Variants in RBFOX2 observed in about 807,000 individuals in gnomAD.
RBFOX2 encodes the protein RNA binding fox-1 homolog 2, also known as RNA binding protein fox-1 homolog 2.
Under a neutral mutation model 49.1 loss-of-function variants are expected in RBFOX2, and 10 were observed. That is an observed-to-expected ratio of 0.20 (90% CI 0.13 to 0.35). The LOEUF (loss-of-function observed/expected upper bound fraction) is 0.35, where lower values mean the gene tolerates loss of function less well. RBFOX2 is among the 10% of genes least tolerant of loss of function. The pLI is 1.00. For synonymous variants in RBFOX2, 183 were observed against 187.4 expected, an observed-to-expected ratio of 0.98 and a Z score of 0.19; for missense variants, 323 against 486.9, an observed-to-expected ratio of 0.66 and a Z score of 3.17.
At chr22:35,976,255 A>G (rs1216739788) in intron 1 of RBFOX2, among the ~76,000 whole-genome samples, 1 of 152,082 alleles carries the variant, frequency 6.6e-6, no homozygotes, top group Non-Finnish European at 1.5e-5. Flanking sequence ...TCTATTTTAC[A>G]CAATTCTAGT....
intron 1 of RBFOX2, among the ~76,000 whole-genome samples, chr22:36,007,166 T>C (rs915996111): frequency 6.6e-6 from 1 of 152,234 alleles, no homozygotes; most frequent in Non-Finnish European, 1.5e-5. Context: ...CCATTTCTAA[T>C]GTACTTTCCA....
chr22:35,763,987 T>C (rs984825693), intron 6 of RBFOX2, among the ~76,000 whole-genome samples: 3 of 151,812 alleles, frequency 2.0e-5, no homozygotes, highest in Non-Finnish European at 3.0e-5. Flanking sequence ...AAATTTGACA[T>C]TCTTTGCCTC....
chr22:35,827,864 A>T (rs1333552677), intron 1 of RBFOX2, among the ~76,000 whole-genome samples: 1 of 152,208 alleles, frequency 6.6e-6, no homozygotes, highest in Non-Finnish European at 1.5e-5. Flanking sequence ...ATAAAGATGG[A>T]GTAACAAGAA....
intron 1 of RBFOX2, among the ~76,000 whole-genome samples, chr22:35,910,247 T>A (rs1361581734): frequency 6.6e-6 from 1 of 152,228 alleles, no homozygotes; most frequent in African/African-American, 2.4e-5. Context: ...TGTTATTCAA[T>A]TCATTATATT....
chr22:35,953,552 G>C (rs963475313), intron 1 of RBFOX2, among the ~76,000 whole-genome samples: 5 of 152,188 alleles, frequency 3.3e-5, no homozygotes, highest in Admixed American at 1.3e-4. Context: ...TATCCATTGA[G>C]GGTGATGTAA....
intron 2 of RBFOX2, among the ~76,000 whole-genome samples, chr22:35,805,285 G>A (rs1296564442): frequency 2.8e-5 from 3 of 107,988 alleles, no homozygotes; most frequent in Admixed American, 2.4e-4. Flanking sequence ...GCGAGACTCC[G>A]TCTCAAAAAA....
At chr22:35,918,762 C>T (rs1169714935) in intron 1 of RBFOX2, among the ~76,000 whole-genome samples, 3 of 152,062 alleles carry the variant, frequency 2.0e-5, no homozygotes, top group East Asian at 1.9e-4. Flanking sequence ...TGCACGTGTT[C>T]GGGTCAAAAG....
intron 1 of RBFOX2, among the ~76,000 whole-genome samples, chr22:35,912,848 A>G (rs1487625047): frequency 1.3e-5 from 2 of 152,244 alleles, no homozygotes; most frequent in East Asian, 3.8e-4. Flanking sequence ...AAACAGACCT[A>G]CAATCAAATT....
chr22:36,020,279 T>C (rs1348800664), intron 1 of RBFOX2, among the ~76,000 whole-genome samples: 3 of 152,148 alleles, frequency 2.0e-5, no homozygotes, highest in Non-Finnish European at 4.4e-5. Flanking sequence ...ATGTTAGACC[T>C]AAAAGCATAA....
chr22:35,827,252 T>C (rs1008196667), intron 1 of RBFOX2, among the ~76,000 whole-genome samples: 5 of 152,226 alleles, frequency 3.3e-5, no homozygotes, highest in African/African-American at 1.2e-4. Flanking sequence ...CCCCTATCTT[T>C]TACACTGTTT....
At chr22:35,972,673 C>T (rs773091646) in intron 1 of RBFOX2, among the ~76,000 whole-genome samples, 10 of 152,164 alleles carry the variant, frequency 6.6e-5, no homozygotes, top group African/African-American at 1.4e-4. Context: ...AACTGGCCTC[C>T]GGTTTCACCT....
At chr22:35,937,179 C>T (rs2053178941) in intron 1 of RBFOX2, among the ~76,000 whole-genome samples, 1 of 152,172 alleles carries the variant, frequency 6.6e-6, no homozygotes, top group Non-Finnish European at 1.5e-5. Context: ...CAATCAGAAA[C>T]TCCGTGGGGT....
At chr22:35,886,147 C>T (rs1199306382) in intron 1 of RBFOX2, among the ~76,000 whole-genome samples, 7 of 152,040 alleles carry the variant, frequency 4.6e-5, no homozygotes, top group African/African-American at 9.7e-5. Flanking sequence ...TGAGCCACCG[C>T]GCCCGGCCCA....
intron 1 of RBFOX2, among the ~76,000 whole-genome samples, chr22:35,949,010 C>CT (rs1356152820): frequency 6.6e-6 from 1 of 152,154 alleles, no homozygotes; most frequent in African/African-American, 2.4e-5. Flanking sequence ...CAGCATTCTA[C>CT]TTTGTCTCCA....
intron 5 of RBFOX2, among the ~76,000 whole-genome samples, chr22:35,767,515 T>C (rs1187880281): frequency 6.6e-6 from 1 of 152,126 alleles, no homozygotes; most frequent in African/African-American, 2.4e-5. Context: ...CTTTTACATT[T>C]AATACTTTAA....
At chr22:36,013,037 T>G (rs1392133934) in intron 1 of RBFOX2, among the ~76,000 whole-genome samples, 3 of 152,168 alleles carry the variant, frequency 2.0e-5, no homozygotes, top group African/African-American at 7.2e-5. Context: ...ATGCTGGGAT[T>G]ACAGGTGTGA....
chr22:35,874,427 G>A (rs556900222), intron 1 of RBFOX2, among the ~76,000 whole-genome samples: 1 of 152,144 alleles, frequency 6.6e-6, no homozygotes, highest in East Asian at 1.9e-4. Flanking sequence ...TCAGGAAAGG[G>A]GTGGATGGAG....
chr22:35,778,643 TA>T (rs869152938), intron 3 of RBFOX2, among the ~76,000 whole-genome samples: 431 of 144,004 alleles, frequency 3.0e-3, no homozygotes, highest in Middle Eastern at 7.2e-3. Context: ...TAATTTGCTT[TA>T]AAAAAAAAAA....
intron 1 of RBFOX2, among the ~76,000 whole-genome samples, chr22:36,005,196 C>G (rs1441348485): frequency 6.6e-6 from 1 of 152,166 alleles, no homozygotes; most frequent in African/African-American, 2.4e-5. Flanking sequence ...TACTAAGCAA[C>G]CTTAAGGAAA....
Sources: allele counts gnomAD v4.1 joint callset (sites outside exome capture counted in the v4.1 genomes callset), GRCh38; gene constraint gnomAD v4.1.1; transcripts MANE v1.5; gene names NCBI Gene and HGNC (gene_info 2026-07-23, HGNC 2026-07-21).